GRIN2A: variants seen among roughly 807,000 people sequenced by gnomAD.
GRIN2A encodes glutamate receptor ionotropic, NMDA 2A.
A neutral mutation model predicts 113.4 loss-of-function variants in GRIN2A; 22 were observed. The observed-to-expected ratio is 0.19, with a 90% CI of 0.14 to 0.28. GRIN2A has a LOEUF of 0.28. Among genes scored for constraint, GRIN2A ranks in the 10% least tolerant of loss-of-function variants. The pLI, the probability that GRIN2A is intolerant of heterozygous loss-of-function variation, is 1.00. For synonymous variants in GRIN2A, 827 were observed against 738.4 expected, an observed-to-expected ratio of 1.12 and a Z score of -1.94; for missense variants, 1,502 against 1,887.0, an observed-to-expected ratio of 0.80 and a Z score of 3.78.
chr16:9,784,746 A>G (rs1902128229), intron 11 of GRIN2A, among the ~76,000 whole-genome samples: 3 of 152,236 alleles, frequency 2.0e-5, no homozygotes, highest in Non-Finnish European at 4.4e-5. Context: ...ATTTACAAGA[A>G]AAAAACAAAC....
intron 11 of GRIN2A, among the ~76,000 whole-genome samples, chr16:9,795,236 A>C (rs946742204): frequency 6.6e-6 from 1 of 152,122 alleles, no homozygotes; most frequent in African/African-American, 2.4e-5. Context: ...GAGAGACAAA[A>C]CAGGTTGCAG....
At chr16:9,921,668 T>C (rs1227890912) in intron 3 of GRIN2A, among the ~76,000 whole-genome samples, 1 of 152,238 alleles carries the variant, frequency 6.6e-6, no homozygotes, top group Non-Finnish European at 1.5e-5. Context: ...TATATATTTA[T>C]TAAGTGTCTA....
chr16:9,977,404 C>G (rs749831156), intron 2 of GRIN2A, among the ~76,000 whole-genome samples: 1 of 152,102 alleles, frequency 6.6e-6, no homozygotes, highest in Non-Finnish European at 1.5e-5. Context: ...TCTCCATTTC[C>G]TAATCTGTAA....
intron 11 of GRIN2A, among the ~76,000 whole-genome samples, chr16:9,778,276 T>C (rs1207193395): frequency 2.0e-5 from 3 of 152,202 alleles, no homozygotes; most frequent in African/African-American, 7.2e-5. Flanking sequence ...CTTGTAGGAA[T>C]CCAGGAAACC....
intron 2 of GRIN2A, among the ~76,000 whole-genome samples, chr16:9,960,511 G>A (rs373138381): frequency 6.6e-6 from 1 of 152,192 alleles, no homozygotes; most frequent in Admixed American, 6.5e-5. Flanking sequence ...ACTGGAAAAC[G>A]AGGCAGCCTA....
At chr16:10,105,377 T>C (rs1172019321) in intron 2 of GRIN2A, among the ~76,000 whole-genome samples, 1 of 152,146 alleles carries the variant, frequency 6.6e-6, no homozygotes, top group South Asian at 2.1e-4. Context: ...CAGTCACATC[T>C]GGCCAAGAGA....
chr16:9,977,207 G>A (rs1367678106), intron 2 of GRIN2A, among the ~76,000 whole-genome samples: 3 of 151,226 alleles, frequency 2.0e-5, no homozygotes, highest in Non-Finnish European at 4.4e-5. Flanking sequence ...CAGGAGGATC[G>A]CTTGAGCCCA....
At chr16:10,034,719 C>A (rs1006976454) in intron 2 of GRIN2A, among the ~76,000 whole-genome samples, 2 of 151,984 alleles carry the variant, frequency 1.3e-5, no homozygotes, top group Middle Eastern at 3.2e-3. Context: ...TGGTCCTTGG[C>A]TTTCTTAAAG....
At chr16:9,905,290 A>C (rs2044004616) in intron 3 of GRIN2A, among the ~76,000 whole-genome samples, 1 of 152,116 alleles carries the variant, frequency 6.6e-6, no homozygotes, top group African/African-American at 2.4e-5. Flanking sequence ...TAGGAGGGGG[A>C]CCTGACCCAT....
chr16:10,085,507 G>A (rs1213219889), intron 2 of GRIN2A, among the ~76,000 whole-genome samples: 1 of 152,220 alleles, frequency 6.6e-6, no homozygotes, highest in Admixed American at 6.5e-5. Flanking sequence ...AAGGCACTCA[G>A]TGTGCAGCCC....
At chr16:9,910,885 T>A (rs1020299445) in intron 3 of GRIN2A, among the ~76,000 whole-genome samples, 9 of 152,072 alleles carry the variant, frequency 5.9e-5, no homozygotes, top group Non-Finnish European at 1.3e-4. Context: ...ATTTCTACAA[T>A]ACCTCTGGCA....
In GRIN2A at chr16:10,071,752, C is replaced by T. The variant is rs2047755172; in HGVS notation, c.414+108246G>A. Among the ~76,000 whole-genome samples the T allele has an allele frequency of 2.0e-5, 3 of 152,276 alleles. No homozygotes were observed. In the South Asian group the frequency reaches 6.2e-4, roughly 32 times the overall value. ...CTATCACCAGTATGGTCCCAAGCAC[C>T]AGCCCTGCCTGCCACTATCACTTCT... On this transcript the variant is annotated intron_variant, in intron 2 of 12. Transcript: ENST00000330684.
intron 3 of GRIN2A, among the ~76,000 whole-genome samples, chr16:9,918,728 A>G (rs1050011734): frequency 5.3e-5 from 8 of 152,214 alleles, no homozygotes; most frequent in Non-Finnish European, 1.2e-4. Flanking sequence ...GTTAAATGTA[A>G]CCATGTAAAT....
At chr16:9,959,612 C>T (rs957861099) in intron 2 of GRIN2A, among the ~76,000 whole-genome samples, 2 of 152,230 alleles carry the variant, frequency 1.3e-5, no homozygotes, top group Admixed American at 6.5e-5. Flanking sequence ...TTCCACTGTG[C>T]TAAAGCAAGG....
intron 2 of GRIN2A, among the ~76,000 whole-genome samples, chr16:10,119,360 G>A (rs2048788519): frequency 6.6e-6 from 1 of 152,142 alleles, no homozygotes; most frequent in Non-Finnish European, 1.5e-5. Context: ...CCAAGAGGAA[G>A]GTATTTTCCA....
At chr16:10,107,827 G>C (rs1442738959) in intron 2 of GRIN2A, among the ~76,000 whole-genome samples, 1 of 152,210 alleles carries the variant, frequency 6.6e-6, no homozygotes, top group Non-Finnish European at 1.5e-5. Flanking sequence ...CCATTTCACA[G>C]GCATTTTTCA....
chr16:9,885,979 T>C (rs1030328575), intron 4 of GRIN2A, among the ~76,000 whole-genome samples: 1 of 152,234 alleles, frequency 6.6e-6, no homozygotes, highest in Non-Finnish European at 1.5e-5. Flanking sequence ...AAAGGCATCT[T>C]CTGTATCTGG....
At chr16:10,062,395 C>G (rs1184124233) in intron 2 of GRIN2A, among the ~76,000 whole-genome samples, 1 of 152,206 alleles carries the variant, frequency 6.6e-6, no homozygotes, top group Non-Finnish European at 1.5e-5. Flanking sequence ...ACCTATGTCA[C>G]TGGGTTCAAC....
chr16:9,849,747 G>T lies in GRIN2A; in HGVS notation c.1328+9C>A, dbSNP rs77440332. Reference sequence around the variant, plus strand: ...GGCACGTTCAGGTGACAGCATTCCTGCCACTCACTTGATTTTGACGAACTT... The same window carrying T: ...GGCACGTTCAGGTGACAGCATTCCTTCCACTCACTTGATTTTGACGAACTT... On this transcript the variant is annotated intron_variant, in intron 5 of 12. Coordinates refer to ENST00000330684, the MANE Select transcript of GRIN2A (RefSeq NM_001134407.3). The T allele has an allele frequency of 1.2e-6, 2 of 1,608,208 alleles. No individual in the cohort carries two copies. The highest frequency in any genetic ancestry group is 8.5e-7 in the Non-Finnish European group (1 of 1,174,620).
Sources: gnomAD v4.1 joint callset for allele counts (sites outside exome capture counted in the v4.1 genomes callset) on GRCh38, gnomAD v4.1.1 for gene constraint, MANE v1.5 for transcripts, NCBI Gene and HGNC (gene_info 2026-07-23, HGNC 2026-07-21) for gene names.